TSPAN15: variants seen among roughly 807,000 people sequenced by gnomAD.
The protein encoded by TSPAN15 is tetraspanin-15.
In TSPAN15, 20 loss-of-function variants were observed where a neutral mutation model predicts 34.5. The ratio of observed to expected loss-of-function variants is 0.58; its 90% CI spans 0.41 to 0.84. The LOEUF (loss-of-function observed/expected upper bound fraction) is 0.84. Among genes scored for constraint, TSPAN15 ranks in the 40% least tolerant of loss-of-function variants. The pLI, the probability that TSPAN15 is intolerant of heterozygous loss-of-function variation, is 0.00. For missense variants in TSPAN15, 313 were observed against 386.1 expected (o/e 0.81, Z 1.59); for synonymous variants, 155 against 153.9 (o/e 1.01, Z -0.05).
the TSPAN15 span, among the ~76,000 whole-genome samples, chr10:69,528,051 G>A: frequency 6.7e-6 from 1 of 148,222 alleles, no homozygotes; most frequent in Non-Finnish European, 1.5e-5. Flanking sequence ...TTGGCCTGGC[G>A]CACTGCACTC....
intron 1 of TSPAN15, 54 bp downstream of exon 1, chr10:69,451,744 G>A: frequency 7.4e-7 from 1 of 1,351,164 alleles, no homozygotes; most frequent in Non-Finnish European, 9.7e-7. Flanking sequence ...CAATCCGGCC[G>A]CCCCCTCACT....
chr10:69,510,482 C>G (rs147056859), downstream of TSPAN15, among the ~76,000 whole-genome samples: 2 of 152,156 alleles, frequency 1.3e-5, no homozygotes, highest in Non-Finnish European at 1.5e-5. Flanking sequence ...TGGGCTGAGA[C>G]GATGGAGTTT....
chr10:69,451,502 G>T lies in TSPAN15; in HGVS notation c.-93G>T. 2 of 1,277,658 alleles carry T rather than the reference G, an allele frequency of 1.6e-6. No homozygotes were observed. The allele number at this position is 1,277,658 out of a possible 1,614,324, so 79.1% of individuals were successfully genotyped here. A position where few individuals can be genotyped will look rare whatever the true frequency, so the allele number is the denominator to read the frequency against. On this transcript the variant is annotated 5_prime_UTR_variant, in exon 1 of 8. Transcript: ENST00000373290. Reference sequence around the variant, plus strand: ...GAGAACGCCGGTGGCGGGGCTGGTAGCCCGGCAGCCGCAGGTGGGGCCACG... The same window carrying T: ...GAGAACGCCGGTGGCGGGGCTGGTATCCCGGCAGCCGCAGGTGGGGCCACG...
intron 3 of TSPAN15, among the ~76,000 whole-genome samples, chr10:69,486,474 T>C (rs1220966779): frequency 1.3e-5 from 2 of 151,138 alleles, no homozygotes; most frequent in Non-Finnish European, 2.9e-5. Flanking sequence ...AGGGTCTCAC[T>C]CTGCCACCCA....
downstream of TSPAN15, among the ~76,000 whole-genome samples, chr10:69,511,456 T>A (rs1338721574): frequency 1.3e-5 from 2 of 152,048 alleles, no homozygotes; most frequent in African/African-American, 2.4e-5. Flanking sequence ...GTCTATTTGA[T>A]TCTTTTCTCT....
intron 1 of TSPAN15, among the ~76,000 whole-genome samples, chr10:69,482,246 G>T (rs755914431): frequency 1.3e-5 from 2 of 152,236 alleles, no homozygotes; most frequent in African/African-American, 2.4e-5. Context: ...AGAAGAGAAG[G>T]AGATGGGGGA....
chr10:69,472,857 G>C (rs557360827), intron 1 of TSPAN15, among the ~76,000 whole-genome samples: 1 of 152,296 alleles, frequency 6.6e-6, no homozygotes, highest in South Asian at 2.1e-4. Flanking sequence ...AGGACAGTGT[G>C]GTCTTGTAAC....
intron 1 of TSPAN15, among the ~76,000 whole-genome samples, chr10:69,478,492 T>C (rs1326049397): frequency 2.0e-5 from 3 of 152,232 alleles, no homozygotes; most frequent in African/African-American, 7.2e-5. Context: ...GGCAGGGGGC[T>C]CATCCTGATG....
At chr10:69,527,450 C>T in the TSPAN15 span, among the ~76,000 whole-genome samples, 1 of 147,156 alleles carries the variant, frequency 6.8e-6, no homozygotes, top group African/African-American at 2.5e-5. Context: ...ACAAAATTAG[C>T]TGGGCGTGGT....
chr10:69,548,126 G>T, the TSPAN15 span, among the ~76,000 whole-genome samples: 1 of 152,058 alleles, frequency 6.6e-6, no homozygotes, highest in Non-Finnish European at 1.5e-5. Flanking sequence ...TTCTCCAAAG[G>T]AAGGTGAGTG....
At chr10:69,479,903 A>T (rs1841696704) in intron 1 of TSPAN15, among the ~76,000 whole-genome samples, 1 of 152,100 alleles carries the variant, frequency 6.6e-6, no homozygotes, top group Admixed American at 6.5e-5. Flanking sequence ...GACCAGGAGA[A>T]ATAGGGCCTA....
chr10:69,493,937 C>T (rs1029549986), intron 3 of TSPAN15, among the ~76,000 whole-genome samples: 3 of 152,224 alleles, frequency 2.0e-5, no homozygotes, highest in Non-Finnish European at 4.4e-5. Flanking sequence ...TTTACCTTGG[C>T]TTTGAGCAGA....
At chr10:69,489,249 C>A (rs7069442) in intron 3 of TSPAN15, among the ~76,000 whole-genome samples, 89 of 152,168 alleles carry the variant, frequency 5.8e-4, no homozygotes, top group African/African-American at 2.0e-3. Context: ...TGCCCAACCC[C>A]GCAGGCAGTC....
chr10:69,480,139 CT>C (rs781092224), intron 1 of TSPAN15, among the ~76,000 whole-genome samples: 10 of 152,128 alleles, frequency 6.6e-5, no homozygotes, highest in Non-Finnish European at 1.3e-4. Context: ...CACTGACTGC[CT>C]TTATGGAGAG....
At chr10:69,455,557 CTCTT>C (rs1227776428) in intron 1 of TSPAN15, among the ~76,000 whole-genome samples, 14 of 140,016 alleles carry the variant, frequency 1.0e-4, no homozygotes, top group Admixed American at 2.1e-4. Context: ...TTCTCTCTCT[CTCTT>C]TCTTTCTTTC....
At chr10:69,492,329 C>T (rs1182125266) in intron 3 of TSPAN15, among the ~76,000 whole-genome samples, 1 of 152,200 alleles carries the variant, frequency 6.6e-6, no homozygotes, top group Non-Finnish European at 1.5e-5. Context: ...CAGCTTGCCT[C>T]ACGGGATCTT....
intron 1 of TSPAN15, among the ~76,000 whole-genome samples, chr10:69,466,381 T>C (rs922798443): frequency 2.0e-5 from 3 of 151,848 alleles, no homozygotes; most frequent in African/African-American, 7.3e-5. Context: ...CAGATCAGCA[T>C]CCCCCCGCTG....
At chr10:69,539,538 G>GAA in the TSPAN15 span, among the ~76,000 whole-genome samples, 1,225 of 43,990 alleles carry the variant, frequency 0.028, 45 homozygotes, top group Middle Eastern at 0.092. Context: ...AGAAGAAGAA[G>GAA]GAGAAGGAGA....
the TSPAN15 span, among the ~76,000 whole-genome samples, chr10:69,544,457 C>T: frequency 6.6e-6 from 1 of 152,060 alleles, no homozygotes; most frequent in Non-Finnish European, 1.5e-5. Context: ...AGGTCTAATC[C>T]AGGAGGAAGA....
Sources: gnomAD v4.1 joint callset for allele counts (sites outside exome capture counted in the v4.1 genomes callset) on GRCh38, gnomAD v4.1.1 for gene constraint, MANE v1.5 for transcripts, NCBI Gene and HGNC (gene_info 2026-07-23, HGNC 2026-07-21) for gene names.